Variants in GREM2 observed in about 807,000 individuals in gnomAD.
GREM2 encodes the protein gremlin-2.
In GREM2, 11 loss-of-function variants were observed where a neutral mutation model predicts 14.2. That is an observed-to-expected ratio of 0.78 (90% CI 0.49 to 1.28). GREM2 has a LOEUF of 1.28. GREM2 is among the 50% of genes most tolerant of loss of function. The pLI, the probability that GREM2 is intolerant of heterozygous loss-of-function variation, is 0.00. For synonymous variants in GREM2, 98 were observed against 97.6 expected, an observed-to-expected ratio of 1.00 and a Z score of -0.02; for missense variants, 210 against 218.5, an observed-to-expected ratio of 0.96 and a Z score of 0.24.
chr1:240,536,669 A>AGCTACGTGCAT (rs1558153626), intron 1 of GREM2, among the ~76,000 whole-genome samples: 2 of 113,842 alleles, frequency 1.8e-5, no homozygotes, highest in African/African-American at 3.7e-5. Flanking sequence ...AGCCATCTGT[A>AGCTACGTGCAT]GAGTTTAAGA....
chr1:240,583,886 G>A (rs1205978293), intron 1 of GREM2, among the ~76,000 whole-genome samples: 2 of 152,060 alleles, frequency 1.3e-5, no homozygotes, highest in Admixed American at 6.5e-5. Context: ...ACAGGCATGA[G>A]CCACCGCGCC....
At chr1:240,568,486 A>C (rs1383775475) in intron 1 of GREM2, among the ~76,000 whole-genome samples, 1 of 152,226 alleles carries the variant, frequency 6.6e-6, no homozygotes, top group Non-Finnish European at 1.5e-5. Flanking sequence ...AACTATATCA[A>C]TAATCACATT....
intron 1 of GREM2, among the ~76,000 whole-genome samples, chr1:240,564,137 C>T (rs10926300): frequency 0.37 from 55,646 of 151,822 alleles, 10,429 homozygotes; most frequent in East Asian, 0.59. Flanking sequence ...TGACCCAGAA[C>T]GTGAAGGCTG....
At chr1:240,586,858 G>A (rs1679608745) in intron 1 of GREM2, among the ~76,000 whole-genome samples, 1 of 152,160 alleles carries the variant, frequency 6.6e-6, no homozygotes, top group Non-Finnish European at 1.5e-5. Context: ...CCTATCAGGG[G>A]TTCTAGTCAG....
chr1:240,583,726 T>A (rs1427180105), intron 1 of GREM2, among the ~76,000 whole-genome samples: 1 of 151,980 alleles, frequency 6.6e-6, no homozygotes, highest in African/African-American at 2.4e-5. Flanking sequence ...CTCAGCCTCC[T>A]GAGTAGCTGG....
chr1:240,542,477 T>C lies in GREM2; in HGVS notation c.-1-49001A>G, dbSNP rs1313421222. On this transcript the variant is annotated intron_variant, in intron 1 of 1. Coordinates refer to ENST00000318160, the MANE Select transcript of GREM2 (RefSeq NM_022469.4). This position sits in a 1 kb window ranked among gnomAD's most constrained non-coding sequence, Gnocchi z 4.1. ...AAAAAAAAAAAAAATTAGCTGGGTG[T>C]GGTGGTGCGCACCTGTAGTCCCAGC... is the stretch of plus-strand genomic sequence containing the variant. Among the ~76,000 whole-genome samples the C allele has an allele frequency of 1.4e-5, 2 of 146,890 alleles. No individual in the cohort carries two copies. The highest frequency in any genetic ancestry group is 6.8e-5 in the Admixed American group (1 of 14,656).
At chr1:240,539,769 T>C (rs1678546503) in intron 1 of GREM2, among the ~76,000 whole-genome samples, 1 of 152,182 alleles carries the variant, frequency 6.6e-6, no homozygotes, top group Non-Finnish European at 1.5e-5. Flanking sequence ...GCAATGTTAT[T>C]GTAAATTTTC....
chr1:240,495,013 A>G (rs372393452), intron 1 of GREM2, among the ~76,000 whole-genome samples: 3 of 152,380 alleles, frequency 2.0e-5, no homozygotes, highest in South Asian at 4.1e-4. Context: ...CACAAATTCA[A>G]TAGGAATGAG....
intron 1 of GREM2, among the ~76,000 whole-genome samples, chr1:240,585,645 G>A (rs1481274781): frequency 2.7e-5 from 4 of 146,796 alleles, no homozygotes; most frequent in South Asian, 2.1e-4. Flanking sequence ...CAGGAGAATC[G>A]CTTGAACCTG....
intron 1 of GREM2, among the ~76,000 whole-genome samples, chr1:240,536,377 C>T (rs1282760996): frequency 6.6e-6 from 1 of 152,094 alleles, no homozygotes; most frequent in Non-Finnish European, 1.5e-5. Flanking sequence ...GATGCAGTGA[C>T]CTTGAATTGG....
rs1553275859 is a variant in GREM2 at position 240,547,532 on chromosome 1, T to TAGATAGATAG, written c.-1-54057_-1-54056insCTATCTATCT. ...AAAAAAAAATATATATATATATATATATAGATAGATAGATAGATAGATAGA... is the reference window on the plus strand; with the variant it reads ...AAAAAAAAATATATATATATATATATAGATAGATAGATAGATAGATAGATAGATAGATAGA... On this transcript the variant is annotated intron_variant, in intron 1 of 1. Coordinates refer to ENST00000318160, the MANE Select transcript of GREM2 (RefSeq NM_022469.4). Among the ~76,000 whole-genome samples, 122 of 121,872 alleles carry TAGATAGATAG rather than the reference T, an allele frequency of 1.0e-3. 3 individuals are homozygous for TAGATAGATAG. The South Asian group carries it at 0.014, about 14-fold the overall frequency. The allele number at this position is 121,872 out of a possible 152,430, so 80.0% of individuals were successfully genotyped here.
At chr1:240,568,836 C>A (rs1262601085) in intron 1 of GREM2, among the ~76,000 whole-genome samples, 2 of 152,032 alleles carry the variant, frequency 1.3e-5, no homozygotes, top group Non-Finnish European at 2.9e-5. Flanking sequence ...GATAAAAGGT[C>A]AATATATAAA....
intron 1 of GREM2, among the ~76,000 whole-genome samples, chr1:240,579,737 G>C (rs949086170): frequency 3.3e-5 from 5 of 152,216 alleles, no homozygotes; most frequent in Admixed American, 6.5e-5. Flanking sequence ...AGGTTCATCA[G>C]AGCTTGAAGG....
chr1:240,515,285 C>T (rs1034365061), intron 1 of GREM2, among the ~76,000 whole-genome samples: 2 of 152,126 alleles, frequency 1.3e-5, no homozygotes, highest in African/African-American at 4.8e-5. Flanking sequence ...TACACTTTTA[C>T]AAGTCTAATT....
chr1:240,589,572 C>A (rs1436068266), intron 1 of GREM2, among the ~76,000 whole-genome samples: 2 of 152,120 alleles, frequency 1.3e-5, no homozygotes, highest in Non-Finnish European at 2.9e-5. Context: ...CTTCTACTTT[C>A]TTTGGTACCT....
chr1:240,601,708 A>C (rs1679928311), intron 1 of GREM2, among the ~76,000 whole-genome samples: 1 of 152,074 alleles, frequency 6.6e-6, no homozygotes, highest in Non-Finnish European at 1.5e-5. Flanking sequence ...GGAGTTCGAG[A>C]CCAGCCTGGC....
chr1:240,552,270 C>T (rs1015258352), intron 1 of GREM2, among the ~76,000 whole-genome samples: 1 of 152,116 alleles, frequency 6.6e-6, no homozygotes, highest in Non-Finnish European at 1.5e-5. Context: ...TTCTAAAAAA[C>T]ACATTTCCCT....
intron 1 of GREM2, among the ~76,000 whole-genome samples, chr1:240,580,629 C>T (rs917962250): frequency 1.3e-5 from 2 of 152,184 alleles, no homozygotes; most frequent in African/African-American, 2.4e-5. Context: ...GGTTGAACTG[C>T]AGTGGCACAA....
intron 1 of GREM2, among the ~76,000 whole-genome samples, chr1:240,541,368 C>G (rs560377291): frequency 6.6e-6 from 1 of 152,282 alleles, no homozygotes; most frequent in South Asian, 2.1e-4. Context: ...GCCAGGGGCC[C>G]TAGAAAAAGG....
Sources: allele counts gnomAD v4.1 joint callset (sites outside exome capture counted in the v4.1 genomes callset), GRCh38; gene constraint gnomAD v4.1.1; non-coding constraint Gnocchi (gnomAD v3.1); transcripts MANE v1.5; gene names NCBI Gene and HGNC (gene_info 2026-07-23, HGNC 2026-07-21).